Variants in KLRG1 observed in about 807,000 individuals in gnomAD.
KLRG1 encodes the protein killer cell lectin-like receptor subfamily G member 1.
A neutral mutation model predicts 21.8 loss-of-function variants in KLRG1; 16 were observed. The ratio of observed to expected loss-of-function variants is 0.73; its 90% CI spans 0.50 to 1.11. The LOEUF is 1.11. Among genes scored for constraint, KLRG1 ranks in the 50% most tolerant of loss-of-function variants. KLRG1 has a pLI of 0.00. For missense variants in KLRG1, 173 were observed against 218.3 expected (o/e 0.79, Z 1.31); for synonymous variants, 69 against 75.9 (o/e 0.91, Z 0.47).
At chr12:9,162,241 T>C in the KLRG1 span, 1 of 178,130 alleles carries the variant, frequency 5.6e-6, no homozygotes, top group Non-Finnish European at 1.2e-5. Context: ...GGATTACAAA[T>C]GTGAGCCACC....
At chr12:8,974,590 A>G (rs187296423) in intron 1 of KLRG1, among the ~76,000 whole-genome samples, 1 of 152,128 alleles carries the variant, frequency 6.6e-6, no homozygotes. Flanking sequence ...ATGAATGTCA[A>G]ATTTTGCTAC....
the KLRG1 span, chr12:9,077,816 G>C: frequency 2.5e-6 from 4 of 1,614,032 alleles, no homozygotes; most frequent in Admixed American, 6.7e-5. Context: ...GAAGATGTAG[G>C]CTCGAGCTTG....
the KLRG1 span, among the ~76,000 whole-genome samples, chr12:9,048,893 A>G: frequency 1.3e-5 from 2 of 152,226 alleles, no homozygotes; most frequent in African/African-American, 4.8e-5. Flanking sequence ...AAGAAATGAA[A>G]CTGTTTTTGT....
the KLRG1 span, chr12:9,162,258 G>GA: frequency 5.0e-6 from 1 of 198,802 alleles, no homozygotes; most frequent in Non-Finnish European, 1.0e-5. Flanking sequence ...CACCACACCC[G>GA]GCTAACCCTG....
the KLRG1 span, chr12:9,099,392 G>T: frequency 1.9e-6 from 3 of 1,557,662 alleles, no homozygotes; most frequent in Non-Finnish European, 2.6e-6. Context: ...TTGTTGGCCA[G>T]ACAATTTTCA....
the KLRG1 span, chr12:9,072,696 T>C: frequency 6.2e-7 from 1 of 1,614,154 alleles, no homozygotes; most frequent in Non-Finnish European, 8.5e-7. Context: ...CATGCTGTAT[T>C]CCCCAGGCAG....
chr12:9,182,341 C>T, the KLRG1 span, among the ~76,000 whole-genome samples: 1 of 152,184 alleles, frequency 6.6e-6, no homozygotes, highest in South Asian at 2.1e-4. Flanking sequence ...AAGTTCCTTT[C>T]ACTCACATCT....
the KLRG1 span, among the ~76,000 whole-genome samples, chr12:9,035,634 A>G: frequency 7.2e-5 from 11 of 152,052 alleles, no homozygotes; most frequent in Admixed American, 2.6e-4. Context: ...CAACTCAGCA[A>G]TCTCATCACT....
At chr12:9,059,620 C>G in the KLRG1 span, among the ~76,000 whole-genome samples, 1 of 152,156 alleles carries the variant, frequency 6.6e-6, no homozygotes, top group Non-Finnish European at 1.5e-5. Context: ...GAATCTTGCT[C>G]TCAGTTAAGG....
chr12:9,077,750 T>C, the KLRG1 span: 1 of 1,614,214 alleles, frequency 6.2e-7, no homozygotes, highest in Non-Finnish European at 8.5e-7. Flanking sequence ...ACAGCCATTG[T>C]CCTTCTGCCT....
the KLRG1 span, chr12:9,109,393 A>G: frequency 3.7e-6 from 6 of 1,612,542 alleles, no homozygotes; most frequent in Non-Finnish European, 5.1e-6. Context: ...TTGTACTTCA[A>G]ACTTGGGAAG....
At chr12:9,077,044 A>C in the KLRG1 span, 1 of 974,630 alleles carries the variant, frequency 1.0e-6, no homozygotes, top group East Asian at 2.5e-5. Context: ...GCATTTTTCC[A>C]ACGATTCCTC....
exon 1 of KLRG1, chr12:8,950,105 C>A (rs1452825105): frequency 1.3e-5 from 2 of 152,226 alleles, no homozygotes; most frequent in Non-Finnish European, 2.9e-5. Flanking sequence ...GAGAGGGACG[C>A]TGTTCCGCCG....
the KLRG1 span, among the ~76,000 whole-genome samples, chr12:9,054,562 TTG>T: frequency 0.28 from 43,135 of 152,000 alleles, 7,356 homozygotes; most frequent in Non-Finnish European, 0.37. Context: ...TATTATTTAT[TTG>T]TGTTAGGAGC....
the KLRG1 span, chr12:9,164,052 AAG>A: frequency 2.0e-6 from 3 of 1,474,942 alleles, no homozygotes; most frequent in South Asian, 2.5e-5. Flanking sequence ...TGGCAAATAA[AAG>A]AGAGAATATG....
chr12:9,098,914 A>G, the KLRG1 span, among the ~76,000 whole-genome samples: 11 of 152,142 alleles, frequency 7.2e-5, no homozygotes, highest in African/African-American at 2.7e-4. Flanking sequence ...TTTGTTCCCT[A>G]CACTTCTCTT....
the KLRG1 span, among the ~76,000 whole-genome samples, chr12:9,080,607 G>T: frequency 6.6e-6 from 1 of 152,036 alleles, no homozygotes; most frequent in Admixed American, 6.6e-5. Context: ...CCCACAAAAG[G>T]TCCTGAATTC....
At chr12:9,117,302 A>G in the KLRG1 span, among the ~76,000 whole-genome samples, 1,281 of 152,238 alleles carry the variant, frequency 8.4e-3, 16 homozygotes, top group Non-Finnish European at 0.011. Context: ...GCTCTTATTG[A>G]AATTTGAAAG....
At chr12:9,211,628 G>A in the KLRG1 span, among the ~76,000 whole-genome samples, 111,785 of 152,062 alleles carry the variant, frequency 0.74, 41,357 homozygotes, top group East Asian at 0.83. Context: ...GAACTTCATT[G>A]GTTTCCTTTG....
Sources: allele counts gnomAD v4.1 joint callset (sites outside exome capture counted in the v4.1 genomes callset), GRCh38; gene constraint gnomAD v4.1.1; transcripts MANE v1.5; gene names NCBI Gene and HGNC (gene_info 2026-07-23, HGNC 2026-07-21).